The following PDE7B variants were observed in gnomAD, a reference collection of about 807,000 sequenced individuals.
PDE7B encodes 3',5'-cyclic-AMP phosphodiesterase 7B.
PDE7B carries 29 observed loss-of-function variants against 56.2 expected under a neutral mutation model. The observed-to-expected ratio is 0.52, with a 90% CI of 0.38 to 0.70. The LOEUF (loss-of-function observed/expected upper bound fraction) is 0.70, where lower values mean the gene tolerates loss of function less well. Among genes scored for constraint, PDE7B ranks in the 30% least tolerant of loss-of-function variants. PDE7B has a pLI of 0.00. For synonymous variants in PDE7B, 197 were observed against 196.9 expected (o/e 1.00, Z 0.00); for missense variants, 490 against 565.0 (o/e 0.87, Z 1.35).
At chr6:136,121,044 C>A (rs1024258759) in intron 3 of PDE7B, among the ~76,000 whole-genome samples, 1 of 152,290 alleles carries the variant, frequency 6.6e-6, no homozygotes, top group Middle Eastern at 3.4e-3. Context: ...TGGGTAATAT[C>A]ATCTATAAGG....
intron 1 of PDE7B, among the ~76,000 whole-genome samples, chr6:135,892,676 AATTG>A (rs1463551715): frequency 6.6e-6 from 1 of 152,204 alleles, no homozygotes; most frequent in Non-Finnish European, 1.5e-5. Flanking sequence ...AGAATGCTAA[AATTG>A]ATTGACATCT....
intron 8 of PDE7B, 129 bp from the exon 9 acceptor site, chr6:136,173,668 C>T: frequency 1.1e-5 from 7 of 640,644 alleles, no homozygotes; most frequent in South Asian, 3.7e-5. Context: ...TTTTTTTTTC[C>T]TGGTCTGCCT....
intron 2 of PDE7B, among the ~76,000 whole-genome samples, chr6:136,070,728 A>G (rs1321598348): frequency 6.6e-6 from 1 of 152,216 alleles, no homozygotes; most frequent in African/African-American, 2.4e-5. Flanking sequence ...AATAATTTGC[A>G]ACATATTGAC....
At chr6:135,898,327 G>T (rs1230333071) in intron 1 of PDE7B, among the ~76,000 whole-genome samples, 1 of 152,034 alleles carries the variant, frequency 6.6e-6, no homozygotes, top group Non-Finnish European at 1.5e-5. Flanking sequence ...ATACATGTTT[G>T]GTCACCTAAC....
intron 2 of PDE7B, among the ~76,000 whole-genome samples, chr6:136,040,350 C>T (rs1776392742): frequency 6.6e-6 from 1 of 152,210 alleles, no homozygotes; most frequent in African/African-American, 2.4e-5. Flanking sequence ...CTGGAATGGG[C>T]ATAAAACCTT....
intron 1 of PDE7B, among the ~76,000 whole-genome samples, chr6:135,931,138 C>T (rs574914832): frequency 1.6e-4 from 25 of 152,230 alleles, no homozygotes; most frequent in Non-Finnish European, 2.4e-4. Context: ...GGTTCAAATT[C>T]GAAGATAAAG....
intron 1 of PDE7B, among the ~76,000 whole-genome samples, chr6:135,858,353 A>C (rs1438037674): frequency 1.3e-5 from 2 of 152,166 alleles, no homozygotes; most frequent in Non-Finnish European, 2.9e-5. Flanking sequence ...GGATTTCACC[A>C]TGTTGGCCAG....
intron 2 of PDE7B, among the ~76,000 whole-genome samples, chr6:136,011,616 G>A (rs1775896611): frequency 6.6e-6 from 1 of 152,130 alleles, no homozygotes; most frequent in African/African-American, 2.4e-5. Flanking sequence ...GTCGGTGTTG[G>A]CTAACCAGAG....
At position 135,951,755 on chromosome 6, in the gene PDE7B, C is replaced by T. The variant is rs78403590; in HGVS notation, c.82+4231C>T. On this transcript the variant is annotated intron_variant, in intron 2 of 12. Transcript: ENST00000308191. The stretch of plus-strand genomic sequence containing the variant: ...TTTTTTAATTTGAAATTTTCATTGG[C>T]CCTGTTTTTGTCTCATGTATGATTT... 5.3e-3 allele frequency among the ~76,000 whole-genome samples: 800 copies of T among 151,988 alleles called. 4 individuals are homozygous for T. The highest frequency in any genetic ancestry group is 0.019 in the African/African-American group (768 of 41,458).
chr6:135,984,142 A>G (rs916552748), intron 2 of PDE7B, among the ~76,000 whole-genome samples: 1 of 152,224 alleles, frequency 6.6e-6, no homozygotes, highest in Non-Finnish European at 1.5e-5. Flanking sequence ...TAAGAATACA[A>G]CAGTTGCAGG....
At chr6:135,955,981 A>C (rs1454662185) in intron 2 of PDE7B, among the ~76,000 whole-genome samples, 1 of 152,142 alleles carries the variant, frequency 6.6e-6, no homozygotes, top group Non-Finnish European at 1.5e-5. Context: ...GCTCAGAAGG[A>C]GGGCTCTGCA....
intron 2 of PDE7B, among the ~76,000 whole-genome samples, chr6:136,028,238 C>T (rs564813004): frequency 7.0e-4 from 107 of 152,212 alleles, no homozygotes; most frequent in African/African-American, 2.1e-3. Context: ...GCATCAAAGG[C>T]AAGTAGTGAC....
intron 2 of PDE7B, among the ~76,000 whole-genome samples, chr6:136,078,762 C>T (rs1777160489): frequency 1.3e-5 from 2 of 152,022 alleles, no homozygotes; most frequent in Admixed American, 6.6e-5. Context: ...AGTACATATA[C>T]ATTTTAAACT....
At chr6:136,026,434 T>C (rs980053152) in intron 2 of PDE7B, among the ~76,000 whole-genome samples, 1 of 152,226 alleles carries the variant, frequency 6.6e-6, no homozygotes, top group African/African-American at 2.4e-5. Context: ...ATATGAGATG[T>C]AATCCTGCCA....
intron 2 of PDE7B, among the ~76,000 whole-genome samples, chr6:135,990,294 C>T (rs567251164): frequency 3.9e-4 from 59 of 152,186 alleles, no homozygotes; most frequent in African/African-American, 1.3e-3. Context: ...CGGGGTTTCA[C>T]CATGTTGGCC....
intron 1 of PDE7B, among the ~76,000 whole-genome samples, chr6:135,881,763 C>T (rs371206133): frequency 1.6e-4 from 24 of 152,150 alleles, no homozygotes; most frequent in East Asian, 5.8e-4. Context: ...TCTTTCTCTA[C>T]ATTACATGGG....
chr6:135,961,848 G>A (rs551088438), intron 2 of PDE7B, among the ~76,000 whole-genome samples: 1 of 152,212 alleles, frequency 6.6e-6, no homozygotes, highest in South Asian at 2.1e-4. Flanking sequence ...GAAAAGTTAT[G>A]ATTAAGGGAG....
At chr6:135,969,710 A>C (rs1775059340) in intron 2 of PDE7B, among the ~76,000 whole-genome samples, 1 of 152,200 alleles carries the variant, frequency 6.6e-6, no homozygotes, top group Admixed American at 6.5e-5. Flanking sequence ...ACATAGGTAC[A>C]GGCAAAGATT....
chr6:135,978,576 C>A (rs1775233343), intron 2 of PDE7B, among the ~76,000 whole-genome samples: 1 of 152,032 alleles, frequency 6.6e-6, no homozygotes, highest in Non-Finnish European at 1.5e-5. Flanking sequence ...TCTTATAATA[C>A]TTTTTTACTC....
Sources: gnomAD v4.1 joint callset for allele counts (sites outside exome capture counted in the v4.1 genomes callset) on GRCh38, gnomAD v4.1.1 for gene constraint, MANE v1.5 for transcripts, NCBI Gene and HGNC (gene_info 2026-07-23, HGNC 2026-07-21) for gene names.